Variants in TOP2B observed in about 807,000 individuals in gnomAD.
The protein encoded by TOP2B is DNA topoisomerase II beta, also known as DNA topoisomerase 2-beta.
TOP2B carries 51 observed loss-of-function variants against 193.5 expected under a neutral mutation model. The ratio of observed to expected loss-of-function variants is 0.26; its 90% CI spans 0.21 to 0.33. The LOEUF (loss-of-function observed/expected upper bound fraction) is 0.33, where lower values mean the gene tolerates loss of function less well. TOP2B is among the 10% of genes least tolerant of loss of function. The probability of loss-of-function intolerance (pLI) is 1.00; values close to 1 mark genes in which losing one functional copy is unlikely to be tolerated. For synonymous variants in TOP2B, 634 were observed against 635.7 expected, an observed-to-expected ratio of 1.00 and a Z score of 0.04; for missense variants, 1,378 against 1,909.3, an observed-to-expected ratio of 0.72 and a Z score of 5.19.
intron 1 of TOP2B, among the ~76,000 whole-genome samples, chr3:25,653,339 C>T (rs1456624148): frequency 6.6e-6 from 1 of 152,020 alleles, no homozygotes; most frequent in East Asian, 1.9e-4. Context: ...AGAACAATAC[C>T]CGTGATAAAG....
chr3:25,627,956 G>A (rs935890356), intron 15 of TOP2B, among the ~76,000 whole-genome samples: 10 of 151,740 alleles, frequency 6.6e-5, no homozygotes, highest in African/African-American at 2.2e-4. Flanking sequence ...AGCTACTTGG[G>A]TGGCTGAAGC....
At chr3:25,630,745 T>A in intron 11 of TOP2B, 56 bp downstream of exon 11, 1 of 1,408,458 alleles carries the variant, frequency 7.1e-7, no homozygotes. Context: ...AAAAATTCTG[T>A]AACTAAATAA....
intron 18 of TOP2B, 88 bp downstream of exon 18, chr3:25,626,472 T>A: frequency 1.5e-6 from 1 of 686,934 alleles, no homozygotes; most frequent in Non-Finnish European, 2.3e-6. Flanking sequence ...GTAAGAATTT[T>A]AATATGTATC....
At chr3:25,663,059 A>G (rs1482190440) in intron 1 of TOP2B, among the ~76,000 whole-genome samples, 1 of 152,220 alleles carries the variant, frequency 6.6e-6, no homozygotes, top group Non-Finnish European at 1.5e-5. Flanking sequence ...TAATCGGAGT[A>G]ATATACAACA....
Position 25,636,062 on chromosome 3 carries a change from T to C in TOP2B, c.726A>G (p.Pro242=). The C allele has an allele frequency of 6.2e-7, 1 of 1,613,250 alleles. No individual in the cohort carries two copies. The highest frequency in any genetic ancestry group is 8.5e-7 in the Non-Finnish European group (1 of 1,179,458). Residue 242 remains proline (P), a synonymous_variant, in exon 7 of 36, where the codon CCA becomes CCG. Transcript: ENST00000264331. ...GEDYTCITFQ[P]DLSKFKMEKL... The stretch of plus-strand genomic sequence containing the variant: ...TTTCCATCTTAAATTTGGACAGATC[T>C]GGTTGGAATGTTATGCATGTGTAAT...
intron 1 of TOP2B, among the ~76,000 whole-genome samples, chr3:25,652,149 T>A (rs1185573847): frequency 2.0e-5 from 3 of 152,154 alleles, no homozygotes; most frequent in Non-Finnish European, 4.4e-5. Context: ...AAGATATGCA[T>A]CTAACATTAC....
rs1343246778 is a variant in TOP2B at position 25,629,164 on chromosome 3, A to T, written c.1690-19T>A. ...CTTGATCCTAAATAAATGTTAGTAA[A>T]GTAAAAAATGTTGTAATACTTTTAT... On this transcript the variant is annotated intron_variant, in intron 13 of 35. Transcript: ENST00000264331. The T allele has an allele frequency of 2.0e-6, 3 of 1,494,776 alleles. No homozygotes were observed. In the African/African-American group the frequency reaches 4.2e-5, roughly 21 times the overall value. The allele number at this position is 1,494,776 out of a possible 1,614,324, so 92.6% of individuals were successfully genotyped here.
intron 1 of TOP2B, among the ~76,000 whole-genome samples, chr3:25,653,031 AG>A (rs1575587527): frequency 6.6e-6 from 1 of 152,236 alleles, no homozygotes; most frequent in East Asian, 1.9e-4. Flanking sequence ...GCAACAGATT[AG>A]ATAACCTAGA....
intron 21 of TOP2B, 57 bp downstream of exon 21, chr3:25,623,458 A>G: frequency 6.8e-7 from 1 of 1,477,342 alleles, no homozygotes; most frequent in East Asian, 2.3e-5. Flanking sequence ...AAATGACGGG[A>G]ATTTGTAGTT....
intron 6 of TOP2B, among the ~76,000 whole-genome samples, 154 bp downstream of exon 6, chr3:25,637,061 T>C (rs1254381489): frequency 1.3e-5 from 2 of 151,942 alleles, no homozygotes; most frequent in South Asian, 2.1e-4. Context: ...GGCATTCTGA[T>C]GTCTCTTTAC....
chr3:25,626,589 T>C lies in TOP2B; in HGVS notation c.2195A>G (p.Asn732Ser). 1 of 1,528,192 alleles carries C rather than the reference T, an allele frequency of 6.5e-7. No individual in the cohort carries two copies. Among genetic ancestry groups the C allele is most frequent in the Non-Finnish European group, 8.8e-7 (1 of 1,139,546 alleles). The allele number at this position is 1,528,192 out of a possible 1,614,324, so 94.7% of individuals were successfully genotyped here. The part of the protein sequence containing the change: ...KELILFSNSD[N>S]ERSIPSLVDG... Reference sequence around the variant, plus strand: ...AACAAGAGATGGTATAGATCTTTCATTGTCTGAGTTTGAGAAGAGAATCAA... The same window carrying C: ...AACAAGAGATGGTATAGATCTTTCACTGTCTGAGTTTGAGAAGAGAATCAA... The change falls in exon 18 of 36, where the codon AAT (asparagine) becomes AGT (serine). Residue 732 changes from asparagine (N) to serine (S), a missense_variant. By Grantham distance (46) the Asn-to-Ser change is conservative. Transcript: ENST00000264331.
chr3:25,643,806 A>C lies in TOP2B; in HGVS notation c.241-22T>G, dbSNP rs757277463. On this transcript the variant is annotated intron_variant, in intron 2 of 35. Coordinates refer to ENST00000264331, the MANE Select transcript of TOP2B (RefSeq NM_001330700.2). The stretch of plus-strand genomic sequence containing the variant: ...TGAACTGCATTGAAAAATTCAAAAA[A>C]AATTTTACTCAATAAATCCTTAATA... 634 of 1,579,016 alleles carry C rather than the reference A, an allele frequency of 4.0e-4. 2 individuals are homozygous for C. Among genetic ancestry groups the C allele is most frequent in the Non-Finnish European group, 5.2e-4 (599 of 1,149,486 alleles).
intron 27 of TOP2B, among the ~76,000 whole-genome samples, chr3:25,613,762 G>A (rs887876466): frequency 1.3e-5 from 2 of 151,748 alleles, no homozygotes; most frequent in African/African-American, 4.8e-5. Context: ...ATAATTTATA[G>A]AGCATCCACC....
chr3:25,643,910 A>G (rs974426025), intron 2 of TOP2B, 126 bp from the exon 3 acceptor site: 2 of 619,510 alleles, frequency 3.2e-6, no homozygotes, highest in Non-Finnish European at 5.6e-6. Context: ...AAAAACATAT[A>G]CAACTTCAGT....
At chr3:25,631,053 G>C in intron 10 of TOP2B, 114 bp from the exon 11 acceptor site, 2 of 856,936 alleles carry the variant, frequency 2.3e-6, no homozygotes, top group Non-Finnish European at 3.3e-6. Flanking sequence ...GTATTTTAGG[G>C]CAAAACAATA....
chr3:25,619,805 T>A (rs1702610264), intron 23 of TOP2B, 57 bp downstream of exon 23: 2 of 1,238,742 alleles, frequency 1.6e-6, no homozygotes, highest in Non-Finnish European at 2.3e-6. Context: ...CCAATTATAA[T>A]AATCCGACTT....
chr3:25,624,153 G>C (rs1702736035), intron 20 of TOP2B, 144 bp downstream of exon 20: 1 of 980,410 alleles, frequency 1.0e-6, no homozygotes, highest in Non-Finnish European at 1.5e-6. Context: ...CATTCTATTT[G>C]TGGTCAAATA....
At position 25,629,027 on chromosome 3, in the gene TOP2B, A is replaced by G; in HGVS notation, c.1800+8T>C. 1 of 1,583,196 alleles carries G rather than the reference A, an allele frequency of 6.3e-7. No homozygotes were observed. The highest frequency in any genetic ancestry group is 8.6e-7 in the Non-Finnish European group (1 of 1,164,856). On this transcript the variant is annotated splice_region_variant and intron_variant, in intron 14 of 35. Coordinates refer to ENST00000264331, the MANE Select transcript of TOP2B (RefSeq NM_001330700.2). ...AACAATATAAAAATATATTAATGCA[A>G]AGAGTACCTTTACAATAGGAGTAAT...
intron 27 of TOP2B, among the ~76,000 whole-genome samples, chr3:25,614,666 G>T (rs1702460176): frequency 6.6e-6 from 1 of 151,136 alleles, no homozygotes; most frequent in African/African-American, 2.4e-5. Context: ...TTTACATTTT[G>T]CTACTCAAAA....
Sources: gnomAD v4.1 joint callset for allele counts (sites outside exome capture counted in the v4.1 genomes callset) on GRCh38, gnomAD v4.1.1 for gene constraint, MANE v1.5 for transcripts, NCBI Gene and HGNC (gene_info 2026-07-23, HGNC 2026-07-21) for gene names.